MACROD2: variants seen among roughly 807,000 people sequenced by gnomAD.
The protein encoded by MACROD2 is ADP-ribose glycohydrolase MACROD2.
A neutral mutation model predicts 70.4 loss-of-function variants in MACROD2; 36 were observed. That is an observed-to-expected ratio of 0.51 (90% CI 0.39 to 0.68). The LOEUF is 0.68. Ranked by LOEUF, MACROD2 falls within the 30% of genes least tolerant of loss-of-function variation. The pLI is 0.00. For synonymous variants in MACROD2, 172 were observed against 178.8 expected (o/e 0.96, Z 0.30); for missense variants, 496 against 538.4 (o/e 0.92, Z 0.78).
chr20:15,986,773 A>T lies in MACROD2; in HGVS notation c.1032A>T (p.Glu344Asp). 1 of 1,613,434 alleles carries T rather than the reference A, an allele frequency of 6.2e-7. No individual in the cohort carries two copies. The highest frequency in any genetic ancestry group is 8.5e-7 in the Non-Finnish European group (1 of 1,179,456). ...AGAATGAAATAAAAATTGAAACAGAATCGCAGAGCTCATATATGGAAACAG... is the reference window on the plus strand; with the variant it reads ...AGAATGAAATAAAAATTGAAACAGATTCGCAGAGCTCATATATGGAAACAG... ...STKNEIKIET[E>D]SQSSYMETEE... is the part of the protein sequence containing the mutation. The change falls in exon 14 of 18, where the codon GAA becomes GAT. Residue 344 changes from glutamate to aspartate, a missense_variant. Coordinates refer to ENST00000684519, the MANE Select transcript of MACROD2 (RefSeq NM_001351661.2).
At chr20:14,825,228 C>T (rs1017256055) in intron 5 of MACROD2, among the ~76,000 whole-genome samples, 13 of 151,884 alleles carry the variant, frequency 8.6e-5, no homozygotes, top group Non-Finnish European at 1.3e-4. Flanking sequence ...AACCAAGTAC[C>T]GCTCCTGTGC....
intron 3 of MACROD2, among the ~76,000 whole-genome samples, chr20:14,188,375 CA>C (rs1242692336): frequency 6.6e-6 from 1 of 151,920 alleles, no homozygotes; most frequent in East Asian, 1.9e-4. Flanking sequence ...ACTTTTGTCA[CA>C]AAAAAACTTA....
Position 15,669,638 on chromosome 20 carries a change from G to T in MACROD2, c.645+169791G>T, listed in dbSNP as rs73900054. Reference sequence around the variant, plus strand: ...CTTCCTGGAAGGGCACTTTGAGCTGGTCATTAGGGAATGGAGAGAACGGGT... The same window carrying T: ...CTTCCTGGAAGGGCACTTTGAGCTGTTCATTAGGGAATGGAGAGAACGGGT... On this transcript the variant is annotated intron_variant, in intron 8 of 17. Coordinates refer to ENST00000684519, the MANE Select transcript of MACROD2 (RefSeq NM_001351661.2). 8.1e-3 allele frequency among the ~76,000 whole-genome samples: 1,228 copies of T among 152,306 alleles called. 16 individuals are homozygous for T. The highest frequency in any genetic ancestry group is 0.029 in the African/African-American group (1,190 of 41,558).
intron 5 of MACROD2, among the ~76,000 whole-genome samples, chr20:15,158,623 T>C (rs1220439547): frequency 6.6e-6 from 1 of 152,160 alleles, no homozygotes; most frequent in Non-Finnish European, 1.5e-5. Context: ...GTGTTTGTGC[T>C]GAGTTCATTT....
intron 2 of MACROD2, among the ~76,000 whole-genome samples, chr20:14,013,929 C>A (rs977292423): frequency 6.6e-6 from 1 of 151,988 alleles, no homozygotes; most frequent in African/African-American, 2.4e-5. Flanking sequence ...CTGCCTCAGG[C>A]TCCCAAGGAA....
chr20:14,242,487 G>A (rs371755661), intron 3 of MACROD2, among the ~76,000 whole-genome samples: 1 of 152,062 alleles, frequency 6.6e-6, no homozygotes, highest in South Asian at 2.1e-4. Flanking sequence ...AGTAAACATA[G>A]GTCAAATAGT....
intron 16 of MACROD2, among the ~76,000 whole-genome samples, chr20:16,043,485 T>C (rs1241753799): frequency 2.0e-5 from 3 of 152,106 alleles, no homozygotes. Context: ...ACTTTGATGC[T>C]TGAGAAAATA....
chr20:15,030,726 T>C (rs931228478), intron 5 of MACROD2, among the ~76,000 whole-genome samples: 4 of 151,874 alleles, frequency 2.6e-5, no homozygotes, highest in Non-Finnish European at 5.9e-5. Context: ...TAATGCAAAT[T>C]CAGATGCACC....
chr20:16,002,044 A>T (rs1436033585), intron 15 of MACROD2, among the ~76,000 whole-genome samples: 4 of 84,018 alleles, frequency 4.8e-5, no homozygotes, highest in Non-Finnish European at 1.1e-4. Flanking sequence ...AATGTGTCTT[A>T]TATATATATA....
In MACROD2 at chr20:14,396,248, A is replaced by G. The variant is rs547019832; in HGVS notation, c.272-97231A>G. On this transcript the variant is annotated intron_variant, in intron 3 of 17. Transcript: ENST00000684519. The stretch of plus-strand genomic sequence containing the variant: ...CTATAAATATCAAGTCAAGTGGTTG[A>G]TAGTTTTATTCTATATCCTTACTGG... Among the ~76,000 whole-genome samples, 3 of 152,312 alleles carry G rather than the reference A, an allele frequency of 2.0e-5. No homozygotes were observed. The South Asian group carries it at 6.2e-4, about 32-fold the overall frequency.
chr20:15,112,178 T>C (rs768589435), intron 5 of MACROD2, among the ~76,000 whole-genome samples: 2 of 152,192 alleles, frequency 1.3e-5, no homozygotes, highest in Non-Finnish European at 2.9e-5. Context: ...ACAGGATTTC[T>C]CTTATCTGTG....
intron 8 of MACROD2, among the ~76,000 whole-genome samples, chr20:15,706,707 AG>A (rs1398953443): frequency 6.6e-6 from 1 of 152,238 alleles, no homozygotes; most frequent in Non-Finnish European, 1.5e-5. Context: ...GCACACTAAT[AG>A]GGGATGAAAA....
chr20:15,733,283 G>A (rs1039966090), intron 8 of MACROD2, among the ~76,000 whole-genome samples: 2 of 151,860 alleles, frequency 1.3e-5, no homozygotes. Flanking sequence ...CTTTTGTTGA[G>A]CTCTTCAAAG....
intron 5 of MACROD2, among the ~76,000 whole-genome samples, chr20:14,712,476 T>C (rs1292167011): frequency 1.3e-5 from 2 of 152,184 alleles, no homozygotes; most frequent in East Asian, 3.8e-4. Context: ...CTGATACACG[T>C]TGAATGCCCT....
At chr20:15,308,694 C>T (rs1312324158) in intron 6 of MACROD2, among the ~76,000 whole-genome samples, 3 of 152,102 alleles carry the variant, frequency 2.0e-5, no homozygotes, top group Non-Finnish European at 4.4e-5. Context: ...CATGATTGTT[C>T]TCAAGGGGAC....
In MACROD2 at chr20:15,780,005, G is replaced by C. The variant is rs185286310; in HGVS notation, c.646-82740G>C. ...TTAGCACATTTAGCTTAGAGGAGTT[G>C]CTCCATTACAAAATTACCTCTTTGT... On this transcript the variant is annotated intron_variant, in intron 8 of 17. Coordinates refer to ENST00000684519, the MANE Select transcript of MACROD2 (RefSeq NM_001351661.2). 2.9e-3 allele frequency among the ~76,000 whole-genome samples: 440 copies of C among 152,042 alleles called. 4 individuals are homozygous for C. Among genetic ancestry groups the C allele is most frequent in the African/African-American group, 0.01 (419 of 41,484 alleles).
chr20:15,998,564 CTTTTTTT>C (rs34750465), intron 15 of MACROD2, among the ~76,000 whole-genome samples: 26 of 117,562 alleles, frequency 2.2e-4, no homozygotes, highest in African/African-American at 8.0e-4. Flanking sequence ...TGAGTTCTCT[CTTTTTTT>C]TTTTTTTTTT....
At chr20:14,265,440 TG>T (rs2082136039) in intron 3 of MACROD2, among the ~76,000 whole-genome samples, 1 of 152,194 alleles carries the variant, frequency 6.6e-6, no homozygotes, top group African/African-American at 2.4e-5. Context: ...GACCATCATG[TG>T]GCTGACTCAA....
intron 2 of MACROD2, among the ~76,000 whole-genome samples, chr20:14,006,384 C>T (rs1042432963): frequency 2.9e-4 from 44 of 152,266 alleles, no homozygotes; most frequent in Admixed American, 2.4e-3. Flanking sequence ...ACCTTCCCCC[C>T]AGACTATTTT....
Sources: allele counts gnomAD v4.1 joint callset (sites outside exome capture counted in the v4.1 genomes callset), GRCh38; gene constraint gnomAD v4.1.1; transcripts MANE v1.5; gene names NCBI Gene and HGNC (gene_info 2026-07-23, HGNC 2026-07-21).